The following TK2 variants were observed in gnomAD, a reference collection of about 807,000 sequenced individuals.
The protein encoded by TK2 is thymidine kinase 2, also known as thymidine kinase 2, mitochondrial.
TK2 carries 35 observed loss-of-function variants against 41.9 expected under a neutral mutation model. The ratio of observed to expected loss-of-function variants is 0.84; its 90% CI spans 0.64 to 1.11. The LOEUF is 1.11. Among genes scored for constraint, TK2 ranks in the 50% least tolerant of loss-of-function variants. The probability of loss-of-function intolerance (pLI) is 0.00; values close to 1 mark genes in which losing one functional copy is unlikely to be tolerated. For missense variants in TK2, 320 were observed against 351.1 expected (o/e 0.91, Z 0.71); for synonymous variants, 128 against 129.1 (o/e 0.99, Z 0.06).
chr16:66,517,666 G>C lies in TK2; in HGVS notation c.538+123C>G. 2.3e-6 allele frequency: 2 copies of C among 870,722 alleles called. No individual in the cohort carries two copies. Among genetic ancestry groups the C allele is most frequent in the Admixed American group, 3.6e-5 (2 of 55,690 alleles). 53.9% of individuals were successfully genotyped at this position (870,722 alleles called of 1,614,324 possible). ...TCAGGGAGAAAGCTGAACTCCCATG[G>C]GGAAGGAACTGCCAAGGGCAAGTGC... On this transcript the variant is annotated intron_variant, in intron 7 of 9. Transcript: ENST00000544898. The surrounding 1 kb of genome is among the most constrained non-coding windows in gnomAD (Gnocchi z 4.3).
rs1395167093 is a variant in TK2, at chr16:66,531,403, G to A, written c.352C>T (p.Leu118=). 2.5e-6 allele frequency: 4 copies of A among 1,614,208 alleles called. No individual in the cohort carries two copies. The highest frequency in any genetic ancestry group is 3.4e-6 in the Non-Finnish European group (4 of 1,180,028). Residue 118 remains leucine, a synonymous_variant, in exon 5 of 10, where the codon CTG becomes TTG. Transcript: ENST00000544898. Reference sequence around the variant, plus strand: ...ACCTGAGGACGAGTATGCCTGTCCAGCATGGTGAGCTGCACATAAGTCTGT... The same window carrying A: ...ACCTGAGGACGAGTATGCCTGTCCAACATGGTGAGCTGCACATAAGTCTGT... ...TLQTYVQLTM[L]DRHTRPQVSS...
At chr16:66,528,158 G>C (rs1031012154) in intron 6 of TK2, among the ~76,000 whole-genome samples, 5 of 152,314 alleles carry the variant, frequency 3.3e-5, no homozygotes, top group Non-Finnish European at 7.4e-5. Flanking sequence ...GATGAGAGTG[G>C]GAGGAAGGGC....
chr16:66,546,205 G>A (rs1161091020), intron 2 of TK2, among the ~76,000 whole-genome samples: 1 of 151,754 alleles, frequency 6.6e-6, no homozygotes, highest in Non-Finnish European at 1.5e-5. Context: ...CCTCCAGCCT[G>A]GACAACAGAG....
rs1965111461 is a variant in TK2, at chr16:66,531,466, G to A, written c.289C>T (p.Leu97=). The A allele has an allele frequency of 6.2e-7, 1 of 1,614,136 alleles. No homozygotes were observed. The highest frequency in any genetic ancestry group is 1.1e-5 in the South Asian group (1 of 91,080). Reference sequence around the variant, plus strand: ...CAGCGAGAGGCATCGTGGTACATCAGGCCCTGCAGAAGGGAAAACACAGCA... The same window carrying A: ...CAGCGAGAGGCATCGTGGTACATCAAGCCCTGCAGAAGGGAAAACACAGCA... ...RNVRGHNPLG[L]MYHDASRWGL... is the part of the protein sequence containing the mutation. Residue 97 remains leucine, a synonymous_variant, in exon 5 of 10, where the codon CTG becomes TTG. Transcript: ENST00000544898.
chr16:66,520,930 G>A (rs1029848171), intron 6 of TK2, among the ~76,000 whole-genome samples: 1 of 152,174 alleles, frequency 6.6e-6, no homozygotes, highest in Non-Finnish European at 1.5e-5. Context: ...TTAGCTTCTC[G>A]CCTACTCCAG....
intron 8 of TK2, among the ~76,000 whole-genome samples, chr16:66,515,077 CAT>C (rs2144346092): frequency 6.6e-6 from 1 of 152,074 alleles, no homozygotes; most frequent in South Asian, 2.1e-4. Context: ...CCTTTGTTCA[CAT>C]GTTTATCTGC....
intron 4 of TK2, 107 bp downstream of exon 4, chr16:66,536,857 T>A: frequency 7.4e-7 from 1 of 1,353,224 alleles, no homozygotes; most frequent in Middle Eastern, 1.8e-4. Flanking sequence ...TCCAACTCAG[T>A]TAAGAGCGCA....
chr16:66,535,778 A>G (rs1436444616), intron 4 of TK2, among the ~76,000 whole-genome samples: 1 of 152,248 alleles, frequency 6.6e-6, no homozygotes, highest in African/African-American at 2.4e-5. Context: ...TGAATGCACA[A>G]GCCCCTACTA....
At chr16:66,535,059 G>C (rs1965233148) in intron 4 of TK2, among the ~76,000 whole-genome samples, 1 of 152,172 alleles carries the variant, frequency 6.6e-6, no homozygotes, top group South Asian at 2.1e-4. Context: ...GAGAACTGCA[G>C]ACTCCTCTGA....
At position 66,517,356 on chromosome 16, in the gene TK2, C is replaced by G. The variant is rs956012259; in HGVS notation, c.539-141G>C. The G allele has an allele frequency of 1.2e-4, 96 of 786,212 alleles. No individual in the cohort carries two copies. The Admixed American group carries it at 1.7e-3, about 14-fold the overall frequency. 48.7% of individuals were successfully genotyped at this position (786,212 alleles called of 1,614,324 possible). On this transcript the variant is annotated intron_variant, in intron 7 of 9. Coordinates refer to ENST00000544898, the MANE Select transcript of TK2 (RefSeq NM_004614.5). This position sits in a 1 kb window ranked among gnomAD's most constrained non-coding sequence, Gnocchi z 4.3. ...GCCAGCTCTTGGCTTGACCACTGAC[C>G]CTCCGCCTCGACTTTCATTCTCTTT...
At chr16:66,535,100 AG>A (rs1965234959) in intron 4 of TK2, among the ~76,000 whole-genome samples, 1 of 152,244 alleles carries the variant, frequency 6.6e-6, no homozygotes, top group Non-Finnish European at 1.5e-5. Flanking sequence ...CATAAAGGCT[AG>A]GAGAAACACT....
intron 6 of TK2, among the ~76,000 whole-genome samples, chr16:66,523,548 G>A (rs1414305941): frequency 1.3e-5 from 2 of 152,204 alleles, no homozygotes; most frequent in Admixed American, 6.5e-5. Context: ...ATCTACTTTG[G>A]CCAGGCATGG....
intron 6 of TK2, among the ~76,000 whole-genome samples, chr16:66,528,062 C>T (rs1332820497): frequency 6.6e-6 from 1 of 152,064 alleles, no homozygotes; most frequent in Non-Finnish European, 1.5e-5. Context: ...AAAAACGAAA[C>T]AAAGACTAAC....
chr16:66,541,873 C>A lies in TK2; in HGVS notation c.231+6G>T, dbSNP rs1280570532. 2 of 1,614,108 alleles carry A rather than the reference C, an allele frequency of 1.2e-6. No homozygotes were observed. The highest frequency in any genetic ancestry group is 1.7e-6 in the Non-Finnish European group (2 of 1,179,958). ...GCTTCCTTCAAACCTAGCATAGAGG[C>A]TGTACCTCGACGTCTGTCGCGTTGG... is the stretch of plus-strand genomic sequence containing the variant. On this transcript the variant is annotated splice_donor_region_variant and intron_variant, in intron 3 of 9. Coordinates refer to ENST00000544898, the MANE Select transcript of TK2 (RefSeq NM_004614.5).
At chr16:66,525,914 T>TA (rs1169349854) in intron 6 of TK2, among the ~76,000 whole-genome samples, 1 of 152,030 alleles carries the variant, frequency 6.6e-6, no homozygotes, top group African/African-American at 2.4e-5. Flanking sequence ...GGAAAAGAGC[T>TA]AAAAAAATTA....
At chr16:66,534,502 A>G (rs1407842711) in intron 4 of TK2, among the ~76,000 whole-genome samples, 1 of 152,122 alleles carries the variant, frequency 6.6e-6, no homozygotes, top group Non-Finnish European at 1.5e-5. Context: ...CATGGCCCAC[A>G]AGGCTTTCTC....
At position 66,508,221 on chromosome 16, in the gene TK2, C is replaced by G. The variant is rs1055157777; in HGVS notation, c.*3747G>C. 34 of 152,320 alleles carry G rather than the reference C, an allele frequency of 2.2e-4. No individual in the cohort carries two copies. The highest frequency in any genetic ancestry group is 7.7e-4 in the African/African-American group (32 of 41,570). 9.4% of individuals were successfully genotyped at this position (152,320 alleles called of 1,614,324 possible). ...ATGGCAATACCCATTCTGGATTCCA[C>G]GACATAGGCTTTCTCTTAGCTTCTG... On this transcript the variant is annotated 3_prime_UTR_variant, in exon 10 of 10. Coordinates refer to ENST00000544898, the MANE Select transcript of TK2 (RefSeq NM_004614.5).
At chr16:66,527,798 G>A (rs900043896) in intron 6 of TK2, among the ~76,000 whole-genome samples, 1 of 152,184 alleles carries the variant, frequency 6.6e-6, no homozygotes, top group African/African-American at 2.4e-5. Flanking sequence ...GGGAGGCCAA[G>A]GCAGGAGGAT....
chr16:66,528,336 C>T (rs560968483), intron 6 of TK2, among the ~76,000 whole-genome samples: 21 of 152,286 alleles, frequency 1.4e-4, no homozygotes, highest in Non-Finnish European at 1.5e-5. Context: ...ACTGACAGGC[C>T]ACCAGAAGCC....
Sources: allele counts gnomAD v4.1 joint callset (sites outside exome capture counted in the v4.1 genomes callset), GRCh38; gene constraint gnomAD v4.1.1; non-coding constraint Gnocchi (gnomAD v3.1); transcripts MANE v1.5; gene names NCBI Gene and HGNC (gene_info 2026-07-23, HGNC 2026-07-21).